The following SULT4A1 variants were observed in gnomAD, a reference collection of about 807,000 sequenced individuals.
SULT4A1 encodes sulfotransferase family 4A member 1, also known as sulfotransferase 4A1.
In SULT4A1, 11 loss-of-function variants were observed where a neutral mutation model predicts 35.2. The observed-to-expected ratio is 0.31, with a 90% CI of 0.20 to 0.52. The LOEUF (loss-of-function observed/expected upper bound fraction) is 0.52. SULT4A1 is among the 20% of genes least tolerant of loss of function. The probability of loss-of-function intolerance (pLI) is 0.97; values close to 1 mark genes in which losing one functional copy is unlikely to be tolerated. For synonymous variants in SULT4A1, 152 were observed against 151.8 expected, an observed-to-expected ratio of 1.00 and a Z score of -0.01; for missense variants, 271 against 383.7, an observed-to-expected ratio of 0.71 and a Z score of 2.45.
At chr22:43,837,359 T>C (rs948981156) in intron 4 of SULT4A1, among the ~76,000 whole-genome samples, 4 of 152,366 alleles carry the variant, frequency 2.6e-5, no homozygotes, top group Middle Eastern at 6.8e-3. Flanking sequence ...AAGATGTTTG[T>C]AGCCTCTTCC....
At chr22:43,829,771 C>G (rs2063312690) in intron 5 of SULT4A1, among the ~76,000 whole-genome samples, 1 of 152,204 alleles carries the variant, frequency 6.6e-6, no homozygotes, top group Non-Finnish European at 1.5e-5. Context: ...CCCAGCCCCC[C>G]ACCCCTGCCA....
intron 4 of SULT4A1, among the ~76,000 whole-genome samples, chr22:43,835,756 T>C (rs549614916): frequency 3.3e-5 from 5 of 152,310 alleles, no homozygotes; most frequent in Admixed American, 3.3e-4. Flanking sequence ...TGTAGCAAGA[T>C]GTCAAAAACA....
chr22:43,832,252 G>A lies in SULT4A1; in HGVS notation c.603+1388C>T, dbSNP rs558109659. The stretch of plus-strand genomic sequence containing the variant: ...AAGTTGTGTGGACAAGAGGCAGACA[G>A]GTGGAGGCCCATGTAGAGTCAGACA... On this transcript the variant is annotated intron_variant, in intron 5 of 6. Transcript: ENST00000330884. Among the ~76,000 whole-genome samples, 6 of 152,312 alleles carry A rather than the reference G, an allele frequency of 3.9e-5. No individual in the cohort carries two copies. In the East Asian group the frequency reaches 5.8e-4, roughly 15 times the overall value.
intron 1 of SULT4A1, 52 bp downstream of exon 1, chr22:43,862,162 G>A: frequency 7.3e-7 from 1 of 1,367,932 alleles, no homozygotes; most frequent in Non-Finnish European, 9.5e-7. Flanking sequence ...CTACGCGGCC[G>A]CGCTGCAGGG....
chr22:43,837,943 G>A (rs2063390773), intron 4 of SULT4A1, among the ~76,000 whole-genome samples: 1 of 152,338 alleles, frequency 6.6e-6, no homozygotes, highest in East Asian at 1.9e-4. Flanking sequence ...AACAGAAAGT[G>A]TATTTTCAGC....
chr22:43,862,133 C>G (rs1297963135), intron 1 of SULT4A1, 81 bp downstream of exon 1: 18 of 1,189,992 alleles, frequency 1.5e-5, no homozygotes, highest in Non-Finnish European at 1.8e-5. Context: ...AGCAGAAGCC[C>G]CGGGCGCGGG....
chr22:43,842,502 G>A (rs1037552871), intron 1 of SULT4A1, among the ~76,000 whole-genome samples: 3 of 152,136 alleles, frequency 2.0e-5, no homozygotes, highest in Non-Finnish European at 2.9e-5. Flanking sequence ...AATAGAATGA[G>A]TAAGTTGTGA....
intron 1 of SULT4A1, among the ~76,000 whole-genome samples, chr22:43,854,302 G>A (rs1473777818): frequency 2.6e-5 from 4 of 152,144 alleles, no homozygotes; most frequent in East Asian, 1.9e-4. Context: ...TTCCACTGTC[G>A]CCAAGAGAAG....
At chr22:43,853,162 A>G (rs2049361419) in intron 1 of SULT4A1, among the ~76,000 whole-genome samples, 1 of 151,702 alleles carries the variant, frequency 6.6e-6, no homozygotes. Context: ...CAAACACACA[A>G]CACATGCACA....
intron 2 of SULT4A1, among the ~76,000 whole-genome samples, chr22:43,841,337 AG>A (rs1301476845): frequency 6.6e-6 from 1 of 152,020 alleles, no homozygotes; most frequent in African/African-American, 2.4e-5. Flanking sequence ...TGGCCCATTC[AG>A]GTGTGAGGCT....
chr22:43,851,219 T>A (rs1005286662), intron 1 of SULT4A1, among the ~76,000 whole-genome samples: 3 of 152,220 alleles, frequency 2.0e-5, no homozygotes, highest in Admixed American at 2.0e-4. Context: ...TCTTTGATGA[T>A]CACTCGTTAT....
chr22:43,835,601 C>T (rs1431146040), intron 4 of SULT4A1, among the ~76,000 whole-genome samples: 1 of 152,136 alleles, frequency 6.6e-6, no homozygotes, highest in Admixed American at 6.5e-5. Flanking sequence ...CATGGGGGCC[C>T]AGACAGGGAA....
At chr22:43,862,178 G>C in intron 1 of SULT4A1, 36 bp downstream of exon 1, 1 of 1,501,534 alleles carries the variant, frequency 6.7e-7, no homozygotes, top group Non-Finnish European at 8.9e-7. Context: ...CAGGGCTGGG[G>C]CATGGCGTGG....
At chr22:43,838,191 G>T (rs1489943986) in intron 4 of SULT4A1, among the ~76,000 whole-genome samples, 1 of 152,246 alleles carries the variant, frequency 6.6e-6, no homozygotes, top group East Asian at 1.9e-4. Context: ...AGGACTGGGA[G>T]CGAGTGGGAC....
chr22:43,825,005 C>A lies in SULT4A1; in HGVS notation c.*996G>T, dbSNP rs900857723. 6.6e-6 allele frequency: 1 copy of A among 152,246 alleles called. No individual in the cohort carries two copies. The highest frequency in any genetic ancestry group is 1.5e-5 in the Non-Finnish European group (1 of 68,052). 9.4% of individuals were successfully genotyped at this position (152,246 alleles called of 1,614,324 possible). A position where few individuals can be genotyped will look rare whatever the true frequency, so the allele number is the denominator to read the frequency against. On this transcript the variant is annotated 3_prime_UTR_variant, in exon 7 of 7. Transcript: ENST00000330884. ...CAGACACGCAGGCGGCCGTGCCAAC[C>A]TGATCCGAGTGAAACAGGGCTACAC...
At chr22:43,839,140 C>T (rs1389355745) in intron 3 of SULT4A1, 147 bp from the exon 4 acceptor site, 2 of 998,134 alleles carry the variant, frequency 2.0e-6, no homozygotes, top group South Asian at 1.6e-5. Context: ...ATGTGCACGG[C>T]TGCTGGGTGC....
intron 6 of SULT4A1, among the ~76,000 whole-genome samples, chr22:43,828,157 G>T (rs1363506940): frequency 6.6e-6 from 1 of 152,182 alleles, no homozygotes; most frequent in Non-Finnish European, 1.5e-5. Flanking sequence ...CATCTTGTGG[G>T]GCTGCTGCTG....
Position 43,859,621 on chromosome 22 carries a change from G to A in SULT4A1, c.169+2593C>T, listed in dbSNP as rs139781523. On this transcript the variant is annotated intron_variant, in intron 1 of 6. Transcript: ENST00000330884. ...CAACCACCGTCCCAGGACCAACTACGCTGTAAGAATGAATAGGAACAAAGT... is the reference window on the plus strand; with the variant it reads ...CAACCACCGTCCCAGGACCAACTACACTGTAAGAATGAATAGGAACAAAGT... 1.2e-3 allele frequency among the ~76,000 whole-genome samples: 184 copies of A among 152,346 alleles called. 1 individual carries two copies. The highest frequency in any genetic ancestry group is 4.2e-3 in the African/African-American group (176 of 41,576).
chr22:43,846,605 A>G (rs2063478667), intron 1 of SULT4A1, among the ~76,000 whole-genome samples: 1 of 152,262 alleles, frequency 6.6e-6, no homozygotes, highest in Non-Finnish European at 1.5e-5. Flanking sequence ...GTGATGGAAA[A>G]CAAGCTCTTT....
Sources: allele counts gnomAD v4.1 joint callset (sites outside exome capture counted in the v4.1 genomes callset), GRCh38; gene constraint gnomAD v4.1.1; transcripts MANE v1.5; gene names NCBI Gene and HGNC (gene_info 2026-07-23, HGNC 2026-07-21).